The following ABI2 variants were observed in gnomAD, a reference collection of about 807,000 sequenced individuals.
ABI2 encodes abelson interactor 2.
ABI2 carries 25 observed loss-of-function variants against 59.2 expected under a neutral mutation model. That is an observed-to-expected ratio of 0.42 (90% confidence interval 0.31 to 0.59). ABI2 has a LOEUF of 0.59. ABI2 is among the 20% of genes least tolerant of loss of function. ABI2 has a pLI of 0.14. For missense variants in ABI2, 545 were observed against 681.8 expected, an observed-to-expected ratio of 0.80 and a Z score of 2.23; for synonymous variants, 213 against 235.5, an observed-to-expected ratio of 0.90 and a Z score of 0.87.
chr2:203,356,261 C>T (rs1222910708), intron 1 of ABI2, among the ~76,000 whole-genome samples: 2 of 152,172 alleles, frequency 1.3e-5, no homozygotes, highest in African/African-American at 4.8e-5. Context: ...AATCATGGCT[C>T]ACTACGAGCT....
rs924775736 is a variant in ABI2 at position 203,328,467 on chromosome 2, C to T, written c.-48C>T. 4.1e-6 allele frequency: 6 copies of T among 1,470,758 alleles called. No individual in the cohort carries two copies. Among genetic ancestry groups the T allele is most frequent in the African/African-American group, 1.4e-5 (1 of 69,802 alleles). The allele number at this position is 1,470,758 out of a possible 1,614,324, so 91.1% of individuals were successfully genotyped here. On this transcript the variant is annotated 5_prime_UTR_variant, in exon 1 of 12. Transcript: ENST00000261018. ...TGGGTTTCCTTGGCGCTGCGGCCGCCGCTCCCTCTGCGACCTGTATGAGGA... is the reference window on the plus strand; with the variant it reads ...TGGGTTTCCTTGGCGCTGCGGCCGCTGCTCCCTCTGCGACCTGTATGAGGA...
chr2:203,409,876 T>G (rs2097583242), intron 9 of ABI2, among the ~76,000 whole-genome samples: 1 of 152,222 alleles, frequency 6.6e-6, no homozygotes, highest in Admixed American at 6.5e-5. Flanking sequence ...GATTTGAGGC[T>G]GAGTGACCTG....
At chr2:203,418,884 C>T (rs575174707) in intron 11 of ABI2, among the ~76,000 whole-genome samples, 1 of 152,208 alleles carries the variant, frequency 6.6e-6, no homozygotes. Flanking sequence ...TGCCAAGGCA[C>T]ATCATAATCA....
At chr2:203,420,076 A>G (rs1489589061) in intron 11 of ABI2, among the ~76,000 whole-genome samples, 1 of 152,228 alleles carries the variant, frequency 6.6e-6, no homozygotes, top group African/African-American at 2.4e-5. Flanking sequence ...TTAAGTATGT[A>G]CTGTAAACTA....
chr2:203,355,975 T>G (rs1219416939), intron 1 of ABI2, among the ~76,000 whole-genome samples: 2 of 152,086 alleles, frequency 1.3e-5, no homozygotes, highest in Non-Finnish European at 2.9e-5. Context: ...TCTTTTAGTT[T>G]ATTGTCTCCT....
chr2:203,408,746 G>T (rs1261090583), intron 9 of ABI2, among the ~76,000 whole-genome samples: 1 of 151,164 alleles, frequency 6.6e-6, no homozygotes, highest in African/African-American at 2.4e-5. Context: ...ATGTGAACAT[G>T]TGCCTTGTCT....
Position 203,328,525 on chromosome 2 carries a change from T to G in ABI2, c.11T>G (p.Leu4Arg). 2 of 1,604,516 alleles carry G rather than the reference T, an allele frequency of 1.2e-6. No homozygotes were observed. Among genetic ancestry groups the G allele is most frequent in the Non-Finnish European group, 1.7e-6 (2 of 1,176,024 alleles). The change falls in exon 1 of 12, where the codon CTG (leucine) becomes CGG (arginine). Residue 4 changes from leucine to arginine, a missense_variant. This residue lies in a region of ABI2 where 55 missense variants were observed against 59.7 expected (regional missense o/e 0.92). Transcript: ENST00000261018. MAE[L>R]QMLLEEEIPG... Reference sequence around the variant, plus strand: ...GAGGAGGATGTGAAGATGGCGGAGCTGCAGATGCTGCTGGAAGAGGAAATC... The same window carrying G: ...GAGGAGGATGTGAAGATGGCGGAGCGGCAGATGCTGCTGGAAGAGGAAATC...
Position 203,328,444 on chromosome 2 carries a change from G to A in ABI2, c.-71G>A. The A allele has an allele frequency of 2.3e-6, 3 of 1,303,402 alleles. No individual in the cohort carries two copies. The highest frequency in any genetic ancestry group is 3.2e-6 in the Non-Finnish European group (3 of 931,372). 80.7% of individuals were successfully genotyped at this position (1,303,402 alleles called of 1,614,324 possible). ...CGCCGCTCCTCCTCTCCCGGTCCTG[G>A]GTTTCCTTGGCGCTGCGGCCGCCGC... is the stretch of plus-strand genomic sequence containing the variant. On this transcript the variant is annotated 5_prime_UTR_variant, in exon 1 of 12. Transcript: ENST00000261018.
rs867066338 is a variant in ABI2, at chr2:203,419,578, C to T, written c.1453+2497C>T. Among the ~76,000 whole-genome samples the T allele has an allele frequency of 4.0e-5, 6 of 149,960 alleles. No homozygotes were observed. The South Asian group carries it at 8.5e-4, about 21-fold the overall frequency. ...TTTTTTGGTAGAGACGGGGTTTCAC[C>T]GTGTTAGCCAGGATGGTCTCGATCT... On this transcript the variant is annotated intron_variant, in intron 11 of 11. Coordinates refer to ENST00000261018, the MANE Select transcript of ABI2 (RefSeq NM_001375670.1).
At chr2:203,377,668 G>C (rs576131724) in intron 2 of ABI2, among the ~76,000 whole-genome samples, 1 of 152,304 alleles carries the variant, frequency 6.6e-6, no homozygotes, top group African/African-American at 2.4e-5. Context: ...CACTTTGGGA[G>C]GCCAAGGTGG....
intron 2 of ABI2, among the ~76,000 whole-genome samples, chr2:203,374,286 G>A (rs1559259625): frequency 6.6e-6 from 1 of 152,070 alleles, no homozygotes. Context: ...GATCACCTGA[G>A]GTCAGGAGTT....
At chr2:203,415,962 G>T (rs1344569666) in intron 10 of ABI2, among the ~76,000 whole-genome samples, 1 of 152,156 alleles carries the variant, frequency 6.6e-6, no homozygotes, top group Non-Finnish European at 1.5e-5. Context: ...TGGACATTTA[G>T]CCTGAAGAAA....
chr2:203,356,281 GGGATCTCATGTCTTA>G (rs2091928737), intron 1 of ABI2, among the ~76,000 whole-genome samples: 1 of 152,042 alleles, frequency 6.6e-6, no homozygotes, highest in Admixed American at 6.6e-5. Context: ...TCAGACTCCT[GGGATCTCATGTCTTA>G]GCCTCCCAAG....
intron 1 of ABI2, among the ~76,000 whole-genome samples, chr2:203,363,721 A>G (rs2093895844): frequency 6.6e-6 from 1 of 152,130 alleles, no homozygotes; most frequent in Non-Finnish European, 1.5e-5. Flanking sequence ...ATTATTTTTT[A>G]TGGCCGAATA....
At chr2:203,416,406 G>A (rs2097896359) in intron 10 of ABI2, among the ~76,000 whole-genome samples, 1 of 151,816 alleles carries the variant, frequency 6.6e-6, no homozygotes, top group Admixed American at 6.6e-5. Context: ...AGCGATTCTT[G>A]TGCCTTGGCC....
At chr2:203,374,844 C>T (rs969315345) in intron 2 of ABI2, 1 of 456,302 alleles carries the variant, frequency 2.2e-6, no homozygotes, top group South Asian at 1.6e-5. Context: ...TGATGGGCAG[C>T]TAACTGAGGT....
chr2:203,384,272 A>G (rs1378562808), intron 4 of ABI2, among the ~76,000 whole-genome samples: 1 of 123,020 alleles, frequency 8.1e-6, no homozygotes, highest in Non-Finnish European at 1.6e-5. Context: ...CCTGTTCCAT[A>G]CTCTTGTTTT....
chr2:203,399,450 G>T (rs2097134181), intron 8 of ABI2, among the ~76,000 whole-genome samples: 3 of 151,062 alleles, frequency 2.0e-5, no homozygotes, highest in African/African-American at 4.9e-5. Context: ...GTCCTTTATA[G>T]ATTATGAGTT....
Position 203,391,820 on chromosome 2 carries a change from C to CAAA in ABI2, c.578+693_578+695dup, listed in dbSNP as rs1373761885. ...TCAGTGGCAGAGTGAGCCCCTGTCT[C>CAAA]AAAAAAAAAAAAAAAAAAGAAGAAT... is the stretch of plus-strand genomic sequence containing the variant. On this transcript the variant is annotated intron_variant, in intron 5 of 11. Coordinates refer to ENST00000261018, the MANE Select transcript of ABI2 (RefSeq NM_001375670.1). 1.1e-3 allele frequency among the ~76,000 whole-genome samples: 68 copies of CAAA among 59,858 alleles called. 1 individual carries two copies. The highest frequency in any genetic ancestry group is 2.4e-3 in the African/African-American group (44 of 18,630). The allele number at this position is 59,858 out of a possible 152,430, so 39.3% of individuals were successfully genotyped here.
Sources: allele counts gnomAD v4.1 joint callset (sites outside exome capture counted in the v4.1 genomes callset), GRCh38; gene constraint gnomAD v4.1.1; regional missense constraint gnomAD v4.1.1; transcripts MANE v1.5; gene names NCBI Gene and HGNC (gene_info 2026-07-23, HGNC 2026-07-21).